Variants in DST observed in about 807,000 individuals in gnomAD.
The protein encoded by DST is bullous pemphigoid antigen.
DST carries 253 observed loss-of-function variants against 875.2 expected under a neutral mutation model. That is an observed-to-expected ratio of 0.29 (90% CI 0.26 to 0.32). The LOEUF (loss-of-function observed/expected upper bound fraction) is 0.32, where lower values mean the gene tolerates loss of function less well. Ranked by LOEUF, DST falls within the 10% of genes least tolerant of loss-of-function variation. The probability of loss-of-function intolerance (pLI) is 1.00; values close to 1 mark genes in which losing one functional copy is unlikely to be tolerated. For synonymous variants in DST, 3,124 were observed against 3,197.1 expected, an observed-to-expected ratio of 0.98 and a Z score of 0.77; for missense variants, 8,287 against 9,111.6, an observed-to-expected ratio of 0.91 and a Z score of 3.68.
rs188631490 is a variant in DST, at chr6:56,561,358, G to A, written c.14260C>T (p.Pro4754Ser). 6.2e-7 allele frequency: 1 copy of A among 1,613,618 alleles called. No homozygotes were observed. Among genetic ancestry groups the A allele is most frequent in the African/African-American group, 1.3e-5 (1 of 74,906 alleles). ...NKTATKWQQT[P>S]APTDTEAVKT... ...ACAGCTTCAGTATCTGTAGGTGCAG[G>A]TGTCTGCTGCCATTTTGTTGCAGTT... Residue 4754 changes from proline (P) to serine (S), a missense_variant, in exon 57 of 104, where the codon CCT becomes TCT. This residue lies in a region of DST where 1,513 missense variants were observed against 1,677.8 expected (regional missense o/e 0.90). Coordinates refer to ENST00000680361, the MANE Select transcript of DST (RefSeq NM_001374736.1).
intron 3 of DST, among the ~76,000 whole-genome samples, chr6:56,885,000 G>C (rs1784021056): frequency 6.8e-6 from 1 of 147,500 alleles, no homozygotes; most frequent in Non-Finnish European, 1.5e-5. Context: ...AAAGTGCTGG[G>C]ATTACAGGCG....
Position 56,535,850 on chromosome 6 carries a change from A to C in DST, c.16771-558T>G, listed in dbSNP as rs576692301. Among the ~76,000 whole-genome samples, 4 of 152,324 alleles carry C rather than the reference A, an allele frequency of 2.6e-5. No individual in the cohort carries two copies. The East Asian group carries it at 5.8e-4, about 22-fold the overall frequency. On this transcript the variant is annotated intron_variant, in intron 62 of 103. Transcript: ENST00000680361. ...AGTAAATGGAGTCTCTGTGTCCTAC[A>C]TAGAGATATCTTATTGCTTGTCTCA...
chr6:56,954,603 A>T lies in DST; in HGVS notation c.-16T>A, dbSNP rs773110760. On this transcript the variant is annotated 5_prime_UTR_variant, in exon 1 of 104. Transcript: ENST00000680361. Reference sequence around the variant, plus strand: ...CGGCGATCATGGTGCGGGCGAGGCGAGGGCGACTCGACGGCGGGGCTGGAG... The same window carrying T: ...CGGCGATCATGGTGCGGGCGAGGCGTGGGCGACTCGACGGCGGGGCTGGAG... 2 of 1,332,880 alleles carry T rather than the reference A, an allele frequency of 1.5e-6. No individual in the cohort carries two copies. Among genetic ancestry groups the T allele is most frequent in the Non-Finnish European group, 2.0e-6 (2 of 1,004,870 alleles). The allele number at this position is 1,332,880 out of a possible 1,614,324, so 82.6% of individuals were successfully genotyped here.
intron 4 of DST, among the ~76,000 whole-genome samples, chr6:56,788,164 T>C (rs1304932556): frequency 2.1e-5 from 3 of 143,678 alleles, no homozygotes; most frequent in Non-Finnish European, 4.5e-5. Flanking sequence ...AATCAGACTC[T>C]GAAAACATTT....
At chr6:56,784,370 C>T (rs376142188) in intron 4 of DST, among the ~76,000 whole-genome samples, 67 of 152,238 alleles carry the variant, frequency 4.4e-4, no homozygotes, top group Non-Finnish European at 7.9e-4. Flanking sequence ...ACTGATCAGA[C>T]GCAGATTTGG....
At position 56,763,684 on chromosome 6, in the gene DST, TACAC is replaced by T. The variant is rs553580754; in HGVS notation, c.626-28399_626-28396del. ...TCCTCTTAAAAAAAAAAAATACCTA[TACAC>T]ACACACACACACACACACACACACA... On this transcript the variant is annotated intron_variant, in intron 4 of 103. Coordinates refer to ENST00000680361, the MANE Select transcript of DST (RefSeq NM_001374736.1). Among the ~76,000 whole-genome samples the T allele has an allele frequency of 6.0e-3, 697 of 117,082 alleles. 5 individuals are homozygous for T. Among genetic ancestry groups the T allele is most frequent in the African/African-American group, 0.017 (488 of 28,934 alleles). The allele number at this position is 117,082 out of a possible 152,430, so 76.8% of individuals were successfully genotyped here.
chr6:56,793,755 A>G (rs912606947), intron 4 of DST, among the ~76,000 whole-genome samples: 1 of 152,210 alleles, frequency 6.6e-6, no homozygotes, highest in African/African-American at 2.4e-5. Flanking sequence ...ATTTTTATTA[A>G]AAGTTCCTTA....
intron 9 of DST, among the ~76,000 whole-genome samples, chr6:56,685,081 G>A (rs1201125994): frequency 2.9e-5 from 4 of 140,294 alleles, no homozygotes; most frequent in Non-Finnish European, 3.0e-5. Flanking sequence ...TAACGCTTTT[G>A]AAATGTATCT....
chr6:56,466,678 C>T (rs1229356679), intron 98 of DST: 1 of 152,218 alleles, frequency 6.6e-6, no homozygotes. Flanking sequence ...TCTTTATAAA[C>T]TCATTTTCTT....
At chr6:56,504,469 T>C (rs975256126) in intron 77 of DST, among the ~76,000 whole-genome samples, 4 of 152,142 alleles carry the variant, frequency 2.6e-5, no homozygotes, top group African/African-American at 9.6e-5. Context: ...TTCAAATCTA[T>C]TTGTTCATTC....
At chr6:56,507,637 C>T (rs1398267237) in intron 75 of DST, among the ~76,000 whole-genome samples, 7 of 152,146 alleles carry the variant, frequency 4.6e-5, no homozygotes, top group South Asian at 4.1e-4. Context: ...ATAAGATGCG[C>T]AAAGGCACTG....
At chr6:56,737,410 G>A (rs866326067) in intron 4 of DST, among the ~76,000 whole-genome samples, 3 of 152,124 alleles carry the variant, frequency 2.0e-5, no homozygotes, top group Non-Finnish European at 4.4e-5. Flanking sequence ...CTAGACCTGC[G>A]TTGTTCAGTA....
rs78139712 is a variant in DST, at chr6:56,622,793, G to C, written c.4929+1737C>G. ...CTTAGCATATTTTGTTCTCAGCACA[G>C]ACTAAAGCATCTCTCTCTAATATCT... On this transcript the variant is annotated intron_variant, in intron 36 of 103. Transcript: ENST00000680361. Among the ~76,000 whole-genome samples the C allele has an allele frequency of 6.9e-3, 1,046 of 152,170 alleles. 13 individuals are homozygous for C. Among genetic ancestry groups the C allele is most frequent in the African/African-American group, 0.024 (1,013 of 41,514 alleles).
chr6:56,622,569 CAAAAAAAAAAAAA>C (rs61514901), intron 36 of DST, among the ~76,000 whole-genome samples: 19 of 65,734 alleles, frequency 2.9e-4, no homozygotes, highest in South Asian at 1.4e-3. Context: ...AGATCCGTCT[CAAAAAAAAAAAAA>C]AAAAAAAAAA....
intron 10 of DST, 80 bp from the exon 11 acceptor site, chr6:56,651,324 C>T (rs1204651174): frequency 2.5e-5 from 20 of 803,432 alleles, no homozygotes. Context: ...TTTCCATTTA[C>T]ATAACAACAT....
intron 3 of DST, among the ~76,000 whole-genome samples, chr6:56,879,264 C>T (rs1406627971): frequency 2.0e-5 from 3 of 151,906 alleles, no homozygotes; most frequent in Non-Finnish European, 4.4e-5. Context: ...GTCAGGAGAT[C>T]GAGACCATCC....
intron 5 of DST, among the ~76,000 whole-genome samples, chr6:56,707,299 G>A (rs2099344984): frequency 6.6e-6 from 1 of 152,224 alleles, no homozygotes; most frequent in Non-Finnish European, 1.5e-5. Flanking sequence ...AGCTAAGCTT[G>A]TGAATGTCAT....
At chr6:56,506,137 A>G in intron 77 of DST, among the ~76,000 whole-genome samples, 1 of 152,218 alleles carries the variant, frequency 6.6e-6, no homozygotes, top group East Asian at 1.9e-4. Context: ...CATTTATAAA[A>G]AACACTGTGT....
chr6:56,547,581 A>G (rs751475550), intron 61 of DST, among the ~76,000 whole-genome samples: 3 of 152,232 alleles, frequency 2.0e-5, no homozygotes, highest in African/African-American at 4.8e-5. Context: ...TCTTAATAAA[A>G]TGGAAAATAA....
Sources: gnomAD v4.1 joint callset for allele counts (sites outside exome capture counted in the v4.1 genomes callset) on GRCh38, gnomAD v4.1.1 for gene constraint, gnomAD v4.1.1 regional missense constraint, MANE v1.5 for transcripts, NCBI Gene and HGNC (gene_info 2026-07-23, HGNC 2026-07-21) for gene names.